The following THSD7B variants were observed in gnomAD, a reference collection of about 807,000 sequenced individuals.
The protein encoded by THSD7B is thrombospondin type 1 domain containing 7B.
THSD7B carries 138 observed loss-of-function variants against 213.6 expected under a neutral mutation model. The ratio of observed to expected loss-of-function variants is 0.65; its 90% CI spans 0.56 to 0.74. The LOEUF is 0.74. THSD7B is among the 30% of genes least tolerant of loss of function. The pLI is 0.00. For synonymous variants in THSD7B, 742 were observed against 687.0 expected (o/e 1.08, Z -1.25); for missense variants, 1,931 against 1,991.5 (o/e 0.97, Z 0.58).
intron 6 of THSD7B, among the ~76,000 whole-genome samples, chr2:137,170,417 C>A (rs182856706): frequency 7.0e-4 from 107 of 152,230 alleles, no homozygotes; most frequent in African/African-American, 2.4e-3. Context: ...ATATTTAGAT[C>A]ATTTCTGAGT....
chr2:137,363,222 G>C (rs115270175), intron 12 of THSD7B, among the ~76,000 whole-genome samples: 2 of 152,130 alleles, frequency 1.3e-5, no homozygotes, highest in Middle Eastern at 3.2e-3. Flanking sequence ...GAATTTCTAG[G>C]ACACAATTAA....
chr2:136,767,336 A>C (rs1314798634), intron 1 of THSD7B, among the ~76,000 whole-genome samples: 1 of 152,152 alleles, frequency 6.6e-6, no homozygotes, highest in Non-Finnish European at 1.5e-5. Context: ...TTTAAACCTT[A>C]GTGCCATTAA....
chr2:137,306,241 T>A (rs958951597), intron 12 of THSD7B, among the ~76,000 whole-genome samples: 2 of 152,134 alleles, frequency 1.3e-5, no homozygotes, highest in Non-Finnish European at 2.9e-5. Flanking sequence ...ATTTTTCTGC[T>A]CCGTTATAAT....
chr2:136,956,595 C>G (rs1447324599), intron 2 of THSD7B, among the ~76,000 whole-genome samples: 10 of 136,162 alleles, frequency 7.3e-5, no homozygotes, highest in Admixed American at 2.9e-4. Context: ...AAGTGAGACC[C>G]TGTCTCAAAA....
At chr2:137,399,857 G>C (rs965821891) in intron 12 of THSD7B, among the ~76,000 whole-genome samples, 9 of 151,890 alleles carry the variant, frequency 5.9e-5, no homozygotes, top group African/African-American at 2.2e-4. Context: ...AGTTTACATA[G>C]TTCCAAACAT....
intron 15 of THSD7B, among the ~76,000 whole-genome samples, chr2:137,529,538 C>T (rs1408712318): frequency 6.7e-6 from 1 of 150,324 alleles, no homozygotes; most frequent in African/African-American, 2.4e-5. Flanking sequence ...AGGCAAATAT[C>T]GTGTAGAATG....
chr2:137,239,616 T>C lies in THSD7B; in HGVS notation c.2151-2841T>C, dbSNP rs569065010. Among the ~76,000 whole-genome samples, 131 of 152,322 alleles carry C rather than the reference T, an allele frequency of 8.6e-4. No homozygotes were observed. In the South Asian group the frequency reaches 0.017, roughly 20 times the overall value. On this transcript the variant is annotated intron_variant, in intron 9 of 27. Transcript: ENST00000409968. ...AGCTCTGCATTTATCAATTTAAAAT[T>C]GTCATTCTGTGATTTGCTCCCATGA...
intron 2 of THSD7B, among the ~76,000 whole-genome samples, chr2:137,021,926 G>A (rs1327096576): frequency 6.6e-6 from 1 of 152,092 alleles, no homozygotes; most frequent in Non-Finnish European, 1.5e-5. Flanking sequence ...AGATCAGCAG[G>A]GCTCAGGATG....
At chr2:137,527,564 A>T (rs373527635) in intron 15 of THSD7B, among the ~76,000 whole-genome samples, 2 of 151,936 alleles carry the variant, frequency 1.3e-5, no homozygotes, top group African/African-American at 4.8e-5. Context: ...TTGTACCATC[A>T]ATTAAATTTT....
chr2:136,975,687 A>T (rs954386195), intron 2 of THSD7B, among the ~76,000 whole-genome samples: 1 of 152,160 alleles, frequency 6.6e-6, no homozygotes, highest in African/African-American at 2.4e-5. Flanking sequence ...TTGGTACTAC[A>T]TGAATTTTAA....
chr2:137,049,695 A>C (rs74558209), intron 2 of THSD7B, among the ~76,000 whole-genome samples: 1 of 152,206 alleles, frequency 6.6e-6, no homozygotes. Flanking sequence ...AAACAAAGGC[A>C]GGAAGGATCT....
Position 136,955,192 on chromosome 2 carries a change from A to G in THSD7B, c.139+72875A>G, listed in dbSNP as rs563954074. Among the ~76,000 whole-genome samples, 13 of 152,322 alleles carry G rather than the reference A, an allele frequency of 8.5e-5. No homozygotes were observed. In the East Asian group the frequency reaches 2.5e-3, roughly 29 times the overall value. On this transcript the variant is annotated intron_variant, in intron 2 of 27. Coordinates refer to ENST00000409968, the MANE Select transcript of THSD7B (RefSeq NM_001316349.2). The stretch of plus-strand genomic sequence containing the variant: ...TTTGTTTGAACCCAAAGACAGCAAT[A>G]TAATTGTGTGCAATTTGAGGTGATG...
chr2:136,958,775 G>T (rs16837675), intron 2 of THSD7B, among the ~76,000 whole-genome samples: 1 of 152,060 alleles, frequency 6.6e-6, no homozygotes, highest in African/African-American at 2.4e-5. Flanking sequence ...AAGCTTATTA[G>T]ATCTGTCCCA....
At position 136,888,851 on chromosome 2, in the gene THSD7B, A is replaced by G. The variant is rs185356234; in HGVS notation, c.139+6534A>G. Among the ~76,000 whole-genome samples, 70 of 152,278 alleles carry G rather than the reference A, an allele frequency of 4.6e-4. 1 individual carries two copies. Among genetic ancestry groups the G allele is most frequent in the South Asian group, 1.2e-3 (6 of 4,832 alleles). ...CTGGTTTTATTCACCAATATACTCC[A>G]AGTGTCAAGAATATACATAACCTAT... On this transcript the variant is annotated intron_variant, in intron 2 of 27. Coordinates refer to ENST00000409968, the MANE Select transcript of THSD7B (RefSeq NM_001316349.2).
At chr2:137,318,937 C>G (rs547757069) in intron 12 of THSD7B, among the ~76,000 whole-genome samples, 1 of 151,264 alleles carries the variant, frequency 6.6e-6, no homozygotes, top group South Asian at 2.1e-4. Flanking sequence ...CACAGGCACC[C>G]GCTTATCTTA....
At chr2:137,284,261 T>C (rs1573933367) in intron 12 of THSD7B, among the ~76,000 whole-genome samples, 1 of 152,162 alleles carries the variant, frequency 6.6e-6, no homozygotes, top group African/African-American at 2.4e-5. Flanking sequence ...TTTGTCATTT[T>C]TTATTGCATC....
chr2:136,984,368 C>G (rs1044717568), intron 2 of THSD7B, among the ~76,000 whole-genome samples: 10 of 152,208 alleles, frequency 6.6e-5, no homozygotes, highest in African/African-American at 2.4e-4. Flanking sequence ...TTAGCACCAT[C>G]CTCTAGAAAA....
At chr2:137,559,893 G>C (rs1382158963) in intron 15 of THSD7B, among the ~76,000 whole-genome samples, 1 of 152,138 alleles carries the variant, frequency 6.6e-6, no homozygotes, top group Admixed American at 6.6e-5. Flanking sequence ...ATCAACAAGT[G>C]GGTGAAGGAT....
chr2:136,892,181 T>C (rs1159583711), intron 2 of THSD7B, among the ~76,000 whole-genome samples: 1 of 152,092 alleles, frequency 6.6e-6, no homozygotes, highest in Non-Finnish European at 1.5e-5. Flanking sequence ...CTGAGGGCCA[T>C]GCATGGTCAC....
Sources: allele counts gnomAD v4.1 joint callset (sites outside exome capture counted in the v4.1 genomes callset), GRCh38; gene constraint gnomAD v4.1.1; transcripts MANE v1.5; gene names NCBI Gene and HGNC (gene_info 2026-07-23, HGNC 2026-07-21).